STRBP: variants seen among roughly 807,000 people sequenced by gnomAD.
STRBP encodes the protein spermatid perinuclear RNA-binding protein.
STRBP carries 13 observed loss-of-function variants against 80.1 expected under a neutral mutation model. The observed-to-expected ratio is 0.16, with a 90% CI of 0.11 to 0.26. The LOEUF is 0.26. STRBP is among the 10% of genes least tolerant of loss of function. The pLI, the probability that STRBP is intolerant of heterozygous loss-of-function variation, is 1.00. For synonymous variants in STRBP, 284 were observed against 291.2 expected (o/e 0.98, Z 0.25); for missense variants, 485 against 815.2 (o/e 0.59, Z 4.93).
chr9:123,194,126 C>A (rs1403058865), intron 2 of STRBP, among the ~76,000 whole-genome samples: 1 of 152,148 alleles, frequency 6.6e-6, no homozygotes, highest in East Asian at 1.9e-4. Context: ...GTTAAATGTT[C>A]ATTCACTTCC....
chr9:123,131,854 T>C (rs1031672246), intron 17 of STRBP, among the ~76,000 whole-genome samples: 1 of 152,222 alleles, frequency 6.6e-6, no homozygotes, highest in Admixed American at 6.5e-5. Flanking sequence ...ATTTCCCAAA[T>C]GGCCTAGTCT....
In STRBP at chr9:123,124,061, T is replaced by C. The variant is rs948090507; in HGVS notation, c.*1536A>G. On this transcript the variant is annotated 3_prime_UTR_variant, in exon 19 of 19. Transcript: ENST00000348403. ...AACAAACTAATCATTGTGTAATATATATCTGAGAAGTGACACTAACATTTG... is the reference window on the plus strand; with the variant it reads ...AACAAACTAATCATTGTGTAATATACATCTGAGAAGTGACACTAACATTTG... 3.1e-5 allele frequency: 31 copies of C among 985,304 alleles called. No homozygotes were observed. The highest frequency in any genetic ancestry group is 3.6e-5 in the Non-Finnish European group (30 of 829,942). The allele number at this position is 985,304 out of a possible 1,614,324, so 61.0% of individuals were successfully genotyped here.
intron 6 of STRBP, among the ~76,000 whole-genome samples, chr9:123,166,836 G>A (rs1398032036): frequency 1.3e-5 from 2 of 152,124 alleles, no homozygotes; most frequent in Non-Finnish European, 2.9e-5. Context: ...CAAGATCTGT[G>A]CTTCTATGCC....
At position 123,110,765 on chromosome 9, in the gene STRBP, C is replaced by T. The variant is rs549722705; in HGVS notation, c.*85-1012G>A. 8 of 169,270 alleles carry T rather than the reference C, an allele frequency of 4.7e-5. No homozygotes were observed. Among genetic ancestry groups the T allele is most frequent in the Admixed American group, 1.3e-4 (2 of 15,304 alleles). The allele number at this position is 169,270 out of a possible 1,614,324, so 10.5% of individuals were successfully genotyped here. A position where few individuals can be genotyped will look rare whatever the true frequency, so the allele number is the denominator to read the frequency against. On this transcript the variant is annotated intron_variant and NMD_transcript_variant, in intron 3 of 3. Transcript: ENST00000471564. The surrounding 1 kb of genome is among the most constrained non-coding windows in gnomAD (Gnocchi z 4.1). ...GCGAGGCCCTCTGGTCGGAGGCCTA[C>T]AATTTGGCTCCCCAGTAACATTTCT...
chr9:123,135,969 T>C, intron 16 of STRBP, 72 bp downstream of exon 16: 2 of 1,581,618 alleles, frequency 1.3e-6, no homozygotes, highest in Non-Finnish European at 1.7e-6. Context: ...AAGTGCCACA[T>C]GGACAGGAAA....
In STRBP at chr9:123,184,170, C is replaced by G; in HGVS notation, c.-36G>C. On this transcript the variant is annotated 5_prime_UTR_variant, in exon 3 of 19. Transcript: ENST00000348403. ...AGTATTTTAGCTTCTTTTTCCGATC[C>G]TTTCCCCTCTTTCTTGTCGTCTTCA... 6.2e-7 allele frequency: 1 copy of G among 1,606,462 alleles called. No homozygotes were observed. Among genetic ancestry groups the G allele is most frequent in the Non-Finnish European group, 8.5e-7 (1 of 1,175,628 alleles).
chr9:123,183,811 C>A (rs1000862226), intron 3 of STRBP, among the ~76,000 whole-genome samples: 2 of 152,052 alleles, frequency 1.3e-5, no homozygotes, highest in African/African-American at 4.8e-5. Context: ...AGAAAAAAAA[C>A]TGAACTTAAA....
At chr9:123,248,575 A>AT (rs956238093) in intron 1 of STRBP, among the ~76,000 whole-genome samples, 24 of 152,106 alleles carry the variant, frequency 1.6e-4, no homozygotes, top group African/African-American at 5.6e-4. Context: ...CAGCCGAATT[A>AT]TTTTTTTAAG....
intron 1 of STRBP, among the ~76,000 whole-genome samples, chr9:123,248,348 A>G (rs942903299): frequency 4.0e-5 from 6 of 148,746 alleles, no homozygotes; most frequent in Admixed American, 6.8e-5. Flanking sequence ...GCTCACTGCA[A>G]CCTCTGCCTC....
chr9:123,263,950 C>T (rs1361497256), intron 1 of STRBP, among the ~76,000 whole-genome samples: 9 of 152,178 alleles, frequency 5.9e-5, no homozygotes, highest in South Asian at 2.1e-4. Context: ...GAGGCCGAGG[C>T]GGGTGGATCA....
intron 2 of STRBP, among the ~76,000 whole-genome samples, chr9:123,185,501 A>C (rs1040218439): frequency 1.3e-5 from 2 of 152,226 alleles, no homozygotes; most frequent in African/African-American, 4.8e-5. Flanking sequence ...AAGTGCTGCA[A>C]TTCATGGGAT....
downstream of STRBP, among the ~76,000 whole-genome samples, chr9:123,119,705 G>A (rs1428978940): frequency 6.6e-6 from 1 of 151,902 alleles, no homozygotes; most frequent in Non-Finnish European, 1.5e-5. Context: ...TCCTCACCTC[G>A]GCCAACCATG....
intron 14 of STRBP, among the ~76,000 whole-genome samples, chr9:123,137,903 G>T (rs2036429684): frequency 6.6e-6 from 1 of 152,016 alleles, no homozygotes; most frequent in South Asian, 2.1e-4. Context: ...TGCATTTTTT[G>T]AATTTCAAGG....
chr9:123,190,595 A>C (rs1247676553), intron 2 of STRBP, among the ~76,000 whole-genome samples: 2 of 152,200 alleles, frequency 1.3e-5, no homozygotes, highest in African/African-American at 2.4e-5. Context: ...ACGATGGAAA[A>C]GCTCTATTCT....
chr9:123,254,915 C>T (rs1461383093), intron 1 of STRBP, among the ~76,000 whole-genome samples: 2 of 152,184 alleles, frequency 1.3e-5, no homozygotes, highest in Admixed American at 6.5e-5. Flanking sequence ...AGCTCAAGGT[C>T]ACCCTTCTAA....
At chr9:123,145,494 G>A (rs2036773786) in intron 13 of STRBP, among the ~76,000 whole-genome samples, 1 of 152,096 alleles carries the variant, frequency 6.6e-6, no homozygotes, top group African/African-American at 2.4e-5. Context: ...CCCACAAAAT[G>A]TATCACTGCA....
intron 2 of STRBP, among the ~76,000 whole-genome samples, chr9:123,189,969 A>C (rs2038861236): frequency 6.6e-6 from 1 of 152,218 alleles, no homozygotes; most frequent in Admixed American, 6.5e-5. Flanking sequence ...GGAGAATACA[A>C]AGATGAATCA....
At chr9:123,267,421 A>G (rs948333568) in intron 1 of STRBP, among the ~76,000 whole-genome samples, 3 of 150,704 alleles carry the variant, frequency 2.0e-5, no homozygotes, top group African/African-American at 7.4e-5. Flanking sequence ...CTCTGCCCCA[A>G]TGAACTTCCC....
At chr9:123,249,431 C>T (rs891473950) in intron 1 of STRBP, among the ~76,000 whole-genome samples, 7 of 151,608 alleles carry the variant, frequency 4.6e-5, no homozygotes, top group East Asian at 3.9e-4. Flanking sequence ...CACTTGAAGC[C>T]GAGCTTGAGA....
Sources: gnomAD v4.1 joint callset for allele counts (sites outside exome capture counted in the v4.1 genomes callset) on GRCh38, gnomAD v4.1.1 for gene constraint, Gnocchi (gnomAD v3.1) non-coding constraint, MANE v1.5 for transcripts, NCBI Gene and HGNC (gene_info 2026-07-23, HGNC 2026-07-21) for gene names.